FHOD3: variants seen among roughly 807,000 people sequenced by gnomAD.
The protein encoded by FHOD3 is formin homology 2 domain containing 3.
In FHOD3, 90 loss-of-function variants were observed where a neutral mutation model predicts 173.0. The observed-to-expected ratio is 0.52, with a 90% CI of 0.44 to 0.62. FHOD3 has a LOEUF of 0.62. Ranked by LOEUF, FHOD3 falls within the 20% of genes least tolerant of loss-of-function variation. The probability of loss-of-function intolerance (pLI) is 0.00; values close to 1 mark genes in which losing one functional copy is unlikely to be tolerated. For synonymous variants in FHOD3, 828 were observed against 823.0 expected (o/e 1.01, Z -0.10); for missense variants, 1,945 against 2,034.7 (o/e 0.96, Z 0.85).
At chr18:36,318,579 A>C (rs2036035152) in intron 1 of FHOD3, among the ~76,000 whole-genome samples, 1 of 152,224 alleles carries the variant, frequency 6.6e-6, no homozygotes, top group Non-Finnish European at 1.5e-5. Flanking sequence ...TTGATTTTGT[A>C]TCCTGAGACT....
chr18:36,341,805 C>T (rs1391839106), intron 1 of FHOD3, among the ~76,000 whole-genome samples: 1 of 152,086 alleles, frequency 6.6e-6, no homozygotes, highest in African/African-American at 2.4e-5. Flanking sequence ...AAAATCCTCT[C>T]TGAAGGAAAA....
chr18:36,597,401 T>C (rs1249487210), intron 7 of FHOD3, among the ~76,000 whole-genome samples: 1 of 152,190 alleles, frequency 6.6e-6, no homozygotes, highest in Non-Finnish European at 1.5e-5. Flanking sequence ...AATTGTCTTC[T>C]TAGCTTTATT....
intron 3 of FHOD3, among the ~76,000 whole-genome samples, chr18:36,456,573 A>C (rs981915234): frequency 6.6e-6 from 1 of 152,114 alleles, no homozygotes; most frequent in East Asian, 1.9e-4. Flanking sequence ...TGTAGTTTTC[A>C]AACTGCTCAT....
At chr18:36,468,560 T>C (rs547931536) in intron 3 of FHOD3, among the ~76,000 whole-genome samples, 1 of 151,992 alleles carries the variant, frequency 6.6e-6, no homozygotes, top group African/African-American at 2.4e-5. Flanking sequence ...GAAGGGAAGG[T>C]GAGTGCCAGC....
intron 10 of FHOD3, among the ~76,000 whole-genome samples, chr18:36,639,277 C>G (rs2148952811): frequency 6.6e-6 from 1 of 152,088 alleles, no homozygotes; most frequent in South Asian, 2.1e-4. Flanking sequence ...CGTGGTGGCT[C>G]ACGCCTGTAA....
At chr18:36,526,279 CT>C (rs34051278) in intron 5 of FHOD3, among the ~76,000 whole-genome samples, 1 of 152,132 alleles carries the variant, frequency 6.6e-6, no homozygotes, top group South Asian at 2.1e-4. Flanking sequence ...TGAAATCATT[CT>C]TTTTTTCCCC....
At chr18:36,564,017 G>A (rs1013265379) in intron 5 of FHOD3, among the ~76,000 whole-genome samples, 1 of 152,110 alleles carries the variant, frequency 6.6e-6, no homozygotes, top group African/African-American at 2.4e-5. Context: ...TCCTGCATGG[G>A]CCGTCACTAA....
chr18:36,652,490 GTC>G lies in FHOD3; in HGVS notation c.1287-74_1287-73del, dbSNP rs1274714230. ...ATAGTACAGAAGTGGCTTTTTGCCTGTCTCTCTTTTTCCTAACCTTTGCTCCT... is the reference window on the plus strand; with the variant it reads ...ATAGTACAGAAGTGGCTTTTTGCCTGTCTCTTTTTCCTAACCTTTGCTCCT... On this transcript the variant is annotated intron_variant, in intron 11 of 28. Transcript: ENST00000590592. 5 of 1,439,346 alleles carry G rather than the reference GTC, an allele frequency of 3.5e-6. No individual in the cohort carries two copies. In the African/African-American group the frequency reaches 5.7e-5, roughly 16 times the overall value. 89.2% of individuals were successfully genotyped at this position (1,439,346 alleles called of 1,614,324 possible).
At chr18:36,429,860 C>A (rs1599082623) in intron 3 of FHOD3, among the ~76,000 whole-genome samples, 1 of 151,994 alleles carries the variant, frequency 6.6e-6, no homozygotes, top group Non-Finnish European at 1.5e-5. Context: ...AAGTGAGAAG[C>A]AGGCCTGGTG....
intron 28 of FHOD3, 62 bp downstream of exon 28, chr18:36,769,488 G>C: frequency 6.4e-7 from 1 of 1,555,500 alleles, no homozygotes; most frequent in Non-Finnish European, 8.7e-7. Flanking sequence ...CCCATTCTAC[G>C]TGAACTGGGA....
At chr18:36,444,321 T>A (rs1328604917) in intron 3 of FHOD3, among the ~76,000 whole-genome samples, 1 of 152,196 alleles carries the variant, frequency 6.6e-6, no homozygotes, top group Non-Finnish European at 1.5e-5. Flanking sequence ...GGTTATATTA[T>A]TTATTTGTAA....
chr18:36,452,548 A>G (rs1192658260), intron 3 of FHOD3, among the ~76,000 whole-genome samples: 3 of 152,166 alleles, frequency 2.0e-5, no homozygotes, highest in Non-Finnish European at 4.4e-5. Context: ...TTTAGAACCT[A>G]TTCATCCTGC....
chr18:36,621,240 G>C (rs1345872244), intron 9 of FHOD3, among the ~76,000 whole-genome samples: 1 of 152,160 alleles, frequency 6.6e-6, no homozygotes, highest in Non-Finnish European at 1.5e-5. Flanking sequence ...GACTGTAGAG[G>C]ATGAGAAATA....
chr18:36,389,282 C>T (rs1227332521), intron 3 of FHOD3, among the ~76,000 whole-genome samples: 2 of 152,204 alleles, frequency 1.3e-5, no homozygotes, highest in Non-Finnish European at 2.9e-5. Flanking sequence ...TAGGTCAACA[C>T]TCCCAGACCC....
chr18:36,313,945 A>G (rs1183302337), intron 1 of FHOD3, among the ~76,000 whole-genome samples: 1 of 150,658 alleles, frequency 6.6e-6, no homozygotes, highest in Non-Finnish European at 1.5e-5. Flanking sequence ...GTGCGGTGGC[A>G]TGATCATGGT....
At chr18:36,488,068 C>A (rs1432705990) in intron 3 of FHOD3, among the ~76,000 whole-genome samples, 1 of 152,166 alleles carries the variant, frequency 6.6e-6, no homozygotes, top group Admixed American at 6.6e-5. Context: ...TTTTAAATAT[C>A]CATTCTTTTT....
intron 10 of FHOD3, among the ~76,000 whole-genome samples, chr18:36,644,430 C>G (rs2035546580): frequency 6.6e-6 from 1 of 152,166 alleles, no homozygotes; most frequent in Non-Finnish European, 1.5e-5. Context: ...GTCCTGTGCC[C>G]TAGGAGAGGA....
At chr18:36,740,169 G>A (rs1363368345) in intron 20 of FHOD3, among the ~76,000 whole-genome samples, 12 of 152,064 alleles carry the variant, frequency 7.9e-5, no homozygotes, top group African/African-American at 2.2e-4. Flanking sequence ...TATGGATACC[G>A]TCATGATTTT....
chr18:36,692,359 A>G (rs905593331), intron 16 of FHOD3, among the ~76,000 whole-genome samples: 1 of 152,234 alleles, frequency 6.6e-6, no homozygotes, highest in Non-Finnish European at 1.5e-5. Context: ...TAAGATAGTA[A>G]GAAACCTGTT....
Sources: allele counts gnomAD v4.1 joint callset (sites outside exome capture counted in the v4.1 genomes callset), GRCh38; gene constraint gnomAD v4.1.1; transcripts MANE v1.5; gene names NCBI Gene and HGNC (gene_info 2026-07-23, HGNC 2026-07-21).